The following FARP1 variants were observed in gnomAD, a reference collection of about 807,000 sequenced individuals.
FARP1 encodes FERM, ARHGEF and pleckstrin domain-containing protein 1.
A neutral mutation model predicts 128.8 loss-of-function variants in FARP1; 52 were observed. The observed-to-expected ratio is 0.40, with a 90% CI of 0.32 to 0.51. FARP1 has a LOEUF of 0.51. FARP1 is among the 20% of genes least tolerant of loss of function. FARP1 has a pLI of 0.45. For missense variants in FARP1, 1,333 were observed against 1,367.9 expected (o/e 0.97, Z 0.40); for synonymous variants, 580 against 551.8 (o/e 1.05, Z -0.72).
intron 1 of FARP1, among the ~76,000 whole-genome samples, chr13:98,147,796 A>G (rs1875680100): frequency 6.7e-6 from 1 of 149,732 alleles, no homozygotes. Context: ...AGCTGTGACT[A>G]CAGACACATG....
intron 1 of FARP1, among the ~76,000 whole-genome samples, chr13:98,153,431 A>G (rs1379882620): frequency 7.2e-6 from 1 of 138,444 alleles, no homozygotes; most frequent in Admixed American, 8.0e-5. Flanking sequence ...GTAACACATT[A>G]TATATAAATA....
chr13:98,306,551 G>T (rs1886169981), intron 2 of FARP1, among the ~76,000 whole-genome samples: 1 of 151,164 alleles, frequency 6.6e-6, no homozygotes, highest in African/African-American at 2.4e-5. Context: ...ATCTCACTCT[G>T]TTGCCCAGGC....
intron 1 of FARP1, among the ~76,000 whole-genome samples, chr13:98,151,172 T>G (rs1431140533): frequency 6.6e-6 from 1 of 152,130 alleles, no homozygotes; most frequent in Non-Finnish European, 1.5e-5. Context: ...AGAGATCACA[T>G]TCACATAACT....
Position 98,395,410 on chromosome 13 carries a change from G to A in FARP1, c.1348G>A (p.Glu450Lys). ...CGGAGCCGCCTCGGCGCCCACGGAG[G>A]AAGAGGAGGAGGTCGTTAAGGATAG... Reference protein sequence around the residue: ...ADGAASAPTEEEEEVVKDRTQ... With the variant: ...ADGAASAPTEKEEEVVKDRTQ... The change falls in exon 13 of 27, where the codon GAA becomes AAA. Residue 450 changes from glutamate to lysine, a missense_variant. By Grantham distance (56) the Glu-to-Lys change is moderately conservative. This residue lies in a region of FARP1 where 1,009 missense variants were observed against 969.8 expected (regional missense o/e 1.04). Coordinates refer to ENST00000319562, the MANE Select transcript of FARP1 (RefSeq NM_005766.4). 6.2e-7 allele frequency: 1 copy of A among 1,611,390 alleles called. No individual in the cohort carries two copies. Among genetic ancestry groups the A allele is most frequent in the South Asian group, 1.1e-5 (1 of 91,004 alleles).
chr13:98,278,332 T>A (rs1372604463), intron 2 of FARP1, among the ~76,000 whole-genome samples: 1 of 152,014 alleles, frequency 6.6e-6, no homozygotes. Context: ...TGTGTGTATA[T>A]GTGTGTGAGT....
At chr13:98,191,874 C>A (rs2139236935) in intron 1 of FARP1, among the ~76,000 whole-genome samples, 1 of 152,300 alleles carries the variant, frequency 6.6e-6, no homozygotes, top group Non-Finnish European at 1.5e-5. Flanking sequence ...ACCCAGGAGG[C>A]AGAGGTGGCA....
chr13:98,228,595 C>T (rs568407776), intron 2 of FARP1, among the ~76,000 whole-genome samples: 12 of 152,292 alleles, frequency 7.9e-5, no homozygotes, highest in African/African-American at 1.4e-4. Context: ...TTATGGATCT[C>T]GCCTTACAGA....
At position 98,209,825 on chromosome 13, in the gene FARP1, A is replaced by G. The variant is rs1270412506; in HGVS notation, c.-23-3395A>G. Among the ~76,000 whole-genome samples the G allele has an allele frequency of 6.4e-4, 64 of 99,568 alleles. 1 individual carries two copies. The highest frequency in any genetic ancestry group is 2.0e-3 in the African/African-American group (50 of 24,928). 65.3% of individuals were successfully genotyped at this position (99,568 alleles called of 152,430 possible). Reference sequence around the variant, plus strand: ...AAAAAAAAAAAAAAAAAAAAAAAAAAAAAAGAAAAAGCCGGGGGTGGTGGT... The same window carrying G: ...AAAAAAAAAAAAAAAAAAAAAAAAAGAAAAGAAAAAGCCGGGGGTGGTGGT... On this transcript the variant is annotated intron_variant, in intron 1 of 26. Transcript: ENST00000319562.
At chr13:98,387,216 G>A (rs1266846490) in intron 8 of FARP1, among the ~76,000 whole-genome samples, 1 of 152,086 alleles carries the variant, frequency 6.6e-6, no homozygotes, top group African/African-American at 2.4e-5. Context: ...CAGGAGAATC[G>A]CTTGAATTTG....
At position 98,176,029 on chromosome 13, in the gene FARP1, C is replaced by T; in HGVS notation, c.-24+32537C>T. 4.8e-6 allele frequency: 4 copies of T among 825,244 alleles called. No individual in the cohort carries two copies. Among genetic ancestry groups the T allele is most frequent in the Non-Finnish European group, 7.9e-6 (4 of 504,168 alleles). 51.1% of individuals were successfully genotyped at this position (825,244 alleles called of 1,614,324 possible). A position where few individuals can be genotyped will look rare whatever the true frequency, so the allele number is the denominator to read the frequency against. Reference sequence around the variant, plus strand: ...ATTCTGCAGTGAACATGGGAGTGCACATACCTCTTTGAGATCCGGATTTCA... The same window carrying T: ...ATTCTGCAGTGAACATGGGAGTGCATATACCTCTTTGAGATCCGGATTTCA... On this transcript the variant is annotated intron_variant, in intron 1 of 26. Coordinates refer to ENST00000319562, the MANE Select transcript of FARP1 (RefSeq NM_005766.4). This position sits in a 1 kb window ranked among gnomAD's most constrained non-coding sequence, Gnocchi z 6.2.
intron 2 of FARP1, among the ~76,000 whole-genome samples, chr13:98,263,077 C>T (rs576013992): frequency 3.9e-5 from 6 of 152,186 alleles, no homozygotes; most frequent in East Asian, 3.9e-4. Flanking sequence ...CGCGCAATCT[C>T]GGCTCACCGC....
intron 2 of FARP1, among the ~76,000 whole-genome samples, chr13:98,272,517 T>C (rs1211403894): frequency 1.3e-5 from 2 of 152,164 alleles, no homozygotes; most frequent in Admixed American, 6.5e-5. Flanking sequence ...TTTAGGAGCT[T>C]AAGGGATCCT....
chr13:98,195,413 A>C, intron 1 of FARP1, among the ~76,000 whole-genome samples: 1 of 152,140 alleles, frequency 6.6e-6, no homozygotes, highest in Non-Finnish European at 1.5e-5. Flanking sequence ...TTTGCCCACT[A>C]GTGTCTACTG....
At chr13:98,225,221 A>T (rs1433196168) in intron 2 of FARP1, among the ~76,000 whole-genome samples, 1 of 152,144 alleles carries the variant, frequency 6.6e-6, no homozygotes, top group Non-Finnish European at 1.5e-5. Flanking sequence ...GTTAAACGGG[A>T]CGTCTGGTTT....
At chr13:98,161,056 G>T (rs565895254) in intron 1 of FARP1, among the ~76,000 whole-genome samples, 3 of 152,118 alleles carry the variant, frequency 2.0e-5, no homozygotes, top group African/African-American at 7.2e-5. Flanking sequence ...TGGAACAGAA[G>T]TTAGAATTCC....
intron 1 of FARP1, among the ~76,000 whole-genome samples, chr13:98,181,661 A>AGT (rs1555325573): frequency 2.7e-5 from 4 of 148,658 alleles, no homozygotes; most frequent in East Asian, 2.0e-4. Flanking sequence ...AGAGAGAGAG[A>AGT]GTCTCACTGT....
intron 2 of FARP1, among the ~76,000 whole-genome samples, chr13:98,312,153 T>TTTTTTTTTTTTA: frequency 6.8e-6 from 1 of 146,400 alleles, no homozygotes; most frequent in African/African-American, 2.5e-5. Context: ...TTTTTTTTTT[T>TTTTTTTTTTTTA]TCTTTGAGAC....
At chr13:98,423,648 G>A (rs16955516) in intron 16 of FARP1, among the ~76,000 whole-genome samples, 5,380 of 152,218 alleles carry the variant, frequency 0.035, 141 homozygotes, top group Middle Eastern at 0.068. Flanking sequence ...TTCACACCTC[G>A]TGATAACAGA....
At chr13:98,211,264 G>A (rs537819395) in intron 1 of FARP1, among the ~76,000 whole-genome samples, 1 of 152,296 alleles carries the variant, frequency 6.6e-6, no homozygotes, top group African/African-American at 2.4e-5. Flanking sequence ...AGCGGCAGGC[G>A]AGCATCACCA....
Sources: allele counts gnomAD v4.1 joint callset (sites outside exome capture counted in the v4.1 genomes callset), GRCh38; gene constraint gnomAD v4.1.1; regional missense constraint gnomAD v4.1.1; non-coding constraint Gnocchi (gnomAD v3.1); transcripts MANE v1.5; gene names NCBI Gene and HGNC (gene_info 2026-07-23, HGNC 2026-07-21).